The following KBTBD2 variants were observed in gnomAD, a reference collection of about 807,000 sequenced individuals.
KBTBD2 encodes kelch repeat and BTB domain containing 2.
A neutral mutation model predicts 57.1 loss-of-function variants in KBTBD2; 17 were observed. The observed-to-expected ratio is 0.30, with a 90% CI of 0.20 to 0.45. KBTBD2 has a LOEUF of 0.45. KBTBD2 is among the 20% of genes least tolerant of loss of function. KBTBD2 has a pLI of 1.00. For missense variants in KBTBD2, 515 were observed against 750.6 expected, an observed-to-expected ratio of 0.69 and a Z score of 3.67; for synonymous variants, 267 against 262.7, an observed-to-expected ratio of 1.02 and a Z score of -0.16.
At chr7:32,875,980 A>C (rs1302837417) in intron 2 of KBTBD2, among the ~76,000 whole-genome samples, 1 of 152,176 alleles carries the variant, frequency 6.6e-6, no homozygotes, top group East Asian at 1.9e-4. Flanking sequence ...AATATACTAA[A>C]ATTCATTTAA....
upstream of KBTBD2, chr7:32,891,838 G>C (rs1205856418): frequency 5.8e-4 from 69 of 118,276 alleles, no homozygotes; most frequent in African/African-American, 2.1e-3. Context: ...CCGCCCGCCC[G>C]CGCCGCCTTG....
intron 2 of KBTBD2, among the ~76,000 whole-genome samples, chr7:32,877,899 A>G (rs1287384958): frequency 6.6e-6 from 1 of 151,656 alleles, no homozygotes; most frequent in Non-Finnish European, 1.5e-5. Flanking sequence ...ACTTGAGATC[A>G]GGAGTTTGAG....
intron 1 of KBTBD2, chr7:32,891,204 CGCCGCCCGGGAGCCCCGCGGGCGCCGA>C (rs1445625576): frequency 6.6e-6 from 1 of 150,954 alleles, no homozygotes; most frequent in African/African-American, 2.4e-5. Flanking sequence ...GAGGCCAAGG[CGCCGCCCGGGAGCCCCGCGGGCGCCGA>C]GGCGCCCGGT....
chr7:32,883,090 G>A (rs1188323548), intron 1 of KBTBD2, among the ~76,000 whole-genome samples: 2 of 152,136 alleles, frequency 1.3e-5, no homozygotes, highest in Non-Finnish European at 2.9e-5. Flanking sequence ...TGAAAGCTTG[G>A]CCAGGTGTGG....
chr7:32,884,795 G>A (rs1013221940), intron 1 of KBTBD2, among the ~76,000 whole-genome samples: 29 of 151,762 alleles, frequency 1.9e-4, no homozygotes, highest in African/African-American at 6.1e-4. Context: ...GGAGCCATAA[G>A]GTCTCTATCC....
chr7:32,871,425 T>C (rs2127948144), intron 3 of KBTBD2, among the ~76,000 whole-genome samples: 1 of 152,316 alleles, frequency 6.6e-6, no homozygotes, highest in South Asian at 2.1e-4. Flanking sequence ...ATAAATCACC[T>C]ACATTTAAAT....
At chr7:32,885,903 T>C (rs1028405761) in intron 1 of KBTBD2, among the ~76,000 whole-genome samples, 4 of 96,114 alleles carry the variant, frequency 4.2e-5, no homozygotes, top group South Asian at 8.8e-4. Context: ...CTCCACTGTC[T>C]ACACACTTTT....
At chr7:32,872,814 A>G (rs1784214024) in intron 3 of KBTBD2, among the ~76,000 whole-genome samples, 1 of 152,230 alleles carries the variant, frequency 6.6e-6, no homozygotes, top group Non-Finnish European at 1.5e-5. Flanking sequence ...GGGATGATGT[A>G]AATCTAACAT....
intron 2 of KBTBD2, among the ~76,000 whole-genome samples, chr7:32,876,020 G>A (rs571485784): frequency 6.6e-6 from 1 of 152,194 alleles, no homozygotes; most frequent in East Asian, 1.9e-4. Flanking sequence ...AGATTTTGTG[G>A]TATGTAAATT....
chr7:32,888,553 CA>C (rs376500113), intron 1 of KBTBD2, among the ~76,000 whole-genome samples: 81 of 146,678 alleles, frequency 5.5e-4, no homozygotes, highest in Non-Finnish European at 9.3e-4. Flanking sequence ...AAAAACAAAC[CA>C]AAAAAAAACA....
chr7:32,878,582 C>A (rs1253875485), intron 2 of KBTBD2, among the ~76,000 whole-genome samples: 52 of 141,790 alleles, frequency 3.7e-4, no homozygotes, highest in African/African-American at 4.6e-4. Flanking sequence ...GAGATCGTCT[C>A]AAAAAAAAAA....
intron 2 of KBTBD2, among the ~76,000 whole-genome samples, chr7:32,877,774 G>T (rs1479591562): frequency 1.3e-5 from 2 of 152,102 alleles, no homozygotes; most frequent in Non-Finnish European, 2.9e-5. Flanking sequence ...ATAATACACA[G>T]TTGTCCCTTG....
At chr7:32,870,926 G>A in intron 3 of KBTBD2, 46 bp from the exon 4 acceptor site, 1 of 1,191,982 alleles carries the variant, frequency 8.4e-7, no homozygotes, top group Non-Finnish European at 1.1e-6. Context: ...GGCCAGGACA[G>A]ACACATTTTA....
At chr7:32,891,899 C>CCCCCGCCGCCCCCGCCA (rs1417077455), upstream of KBTBD2, 1 of 114,168 alleles carries the variant, frequency 8.8e-6, no homozygotes, top group South Asian at 2.7e-4. Context: ...CGCCCCCGCC[C>CCCCCGCCGCCCCCGCCA]CCGCCCCCGC....
chr7:32,882,292 T>C (rs1018022697), intron 1 of KBTBD2, among the ~76,000 whole-genome samples: 1 of 152,194 alleles, frequency 6.6e-6, no homozygotes, highest in Non-Finnish European at 1.5e-5. Flanking sequence ...CAGCAACTGG[T>C]GGCCAGGGCC....
chr7:32,872,683 T>A (rs540634220), intron 3 of KBTBD2, among the ~76,000 whole-genome samples: 1 of 152,180 alleles, frequency 6.6e-6, no homozygotes, highest in South Asian at 2.1e-4. Context: ...ACACAAAAAG[T>A]TGAGTATCCC....
At chr7:32,889,209 T>G (rs750921037) in intron 1 of KBTBD2, among the ~76,000 whole-genome samples, 41 of 151,084 alleles carry the variant, frequency 2.7e-4, no homozygotes, top group Non-Finnish European at 4.7e-4. Flanking sequence ...GAGAATGGCG[T>G]GAACCCGGGA....
intron 1 of KBTBD2, among the ~76,000 whole-genome samples, chr7:32,883,255 G>GT (rs950733199): frequency 6.6e-6 from 1 of 152,102 alleles, no homozygotes; most frequent in African/African-American, 2.4e-5. Context: ...GCTCATGCCT[G>GT]TAATACTAGC....
At position 32,875,213 on chromosome 7, in the gene KBTBD2, G is replaced by GA; in HGVS notation, c.171-57dup. The GA allele has an allele frequency of 5.6e-6, 8 of 1,434,000 alleles. No individual in the cohort carries two copies. The South Asian group carries it at 9.6e-5, about 17-fold the overall frequency. 88.8% of individuals were successfully genotyped at this position (1,434,000 alleles called of 1,614,324 possible). Reference sequence around the variant, plus strand: ...AAGGGTTTTGTGTAAAACAAATGTAGAGCTGAAAAGAACAATTAGACAATA... The same window carrying GA: ...AAGGGTTTTGTGTAAAACAAATGTAGAAGCTGAAAAGAACAATTAGACAATA... On this transcript the variant is annotated intron_variant, in intron 2 of 3. Coordinates refer to ENST00000304056, the MANE Select transcript of KBTBD2 (RefSeq NM_015483.3).
Sources: allele counts gnomAD v4.1 joint callset (sites outside exome capture counted in the v4.1 genomes callset), GRCh38; gene constraint gnomAD v4.1.1; transcripts MANE v1.5; gene names NCBI Gene and HGNC (gene_info 2026-07-23, HGNC 2026-07-21).